The following CPXM2 variants were observed in gnomAD, a reference collection of about 807,000 sequenced individuals.
The protein encoded by CPXM2 is inactive carboxypeptidase-like protein X2.
CPXM2 carries 66 observed loss-of-function variants against 86.1 expected under a neutral mutation model. The observed-to-expected ratio is 0.77, with a 90% CI of 0.63 to 0.94. The LOEUF (loss-of-function observed/expected upper bound fraction) is 0.94, where lower values mean the gene tolerates loss of function less well. Ranked by LOEUF, CPXM2 falls within the 40% of genes least tolerant of loss-of-function variation. The pLI is 0.00. For missense variants in CPXM2, 948 were observed against 1,026.3 expected (o/e 0.92, Z 1.04); for synonymous variants, 388 against 400.2 (o/e 0.97, Z 0.36).
At chr10:123,915,345 G>A (rs1945526580) in intron 2 of CPXM2, among the ~76,000 whole-genome samples, 1 of 152,154 alleles carries the variant, frequency 6.6e-6, no homozygotes, top group African/African-American at 2.4e-5. Flanking sequence ...ATCACTTGAG[G>A]CCAGGAGTTC....
intron 2 of CPXM2, among the ~76,000 whole-genome samples, chr10:123,916,093 GA>G (rs900215034): frequency 2.8e-4 from 41 of 148,928 alleles, no homozygotes; most frequent in African/African-American, 7.6e-4. Flanking sequence ...TGCTTTGGGA[GA>G]AAAAAAAAAT....
chr10:123,798,262 A>C, intron 5 of CPXM2, 136 bp from the exon 6 acceptor site: 1 of 761,058 alleles, frequency 1.3e-6, no homozygotes. Context: ...AGAAAAAAAA[A>C]AAAAAAAGAA....
chr10:123,856,737 G>A (rs1388994116), intron 3 of CPXM2, among the ~76,000 whole-genome samples: 2 of 110,472 alleles, frequency 1.8e-5, no homozygotes, highest in East Asian at 2.0e-4. Flanking sequence ...GATTACAGGC[G>A]TGTGCCACCA....
At chr10:123,764,085 G>A (rs1846413524) in intron 10 of CPXM2, among the ~76,000 whole-genome samples, 1 of 152,064 alleles carries the variant, frequency 6.6e-6, no homozygotes, top group Non-Finnish European at 1.5e-5. Flanking sequence ...TATTAACTCT[G>A]TTTCCTCCTC....
intron 3 of CPXM2, among the ~76,000 whole-genome samples, chr10:123,858,326 G>A (rs539106617): frequency 6.6e-6 from 1 of 152,222 alleles, no homozygotes; most frequent in African/African-American, 2.4e-5. Flanking sequence ...ACAGGGTGGG[G>A]AATACCCAGA....
intron 2 of CPXM2, among the ~76,000 whole-genome samples, chr10:123,935,845 C>A (rs1259791729): frequency 9.3e-6 from 1 of 107,462 alleles, no homozygotes; most frequent in African/African-American, 3.9e-5. Flanking sequence ...AGCGTCTTGA[C>A]CATCATCACC....
chr10:123,847,681 T>G (rs537488140), intron 3 of CPXM2, among the ~76,000 whole-genome samples: 2 of 152,326 alleles, frequency 1.3e-5, no homozygotes, highest in African/African-American at 4.8e-5. Context: ...AAAACAAGTT[T>G]TAAAAAGCAA....
At chr10:123,827,812 T>C (rs1373670448) in intron 4 of CPXM2, among the ~76,000 whole-genome samples, 1 of 152,150 alleles carries the variant, frequency 6.6e-6, no homozygotes, top group Non-Finnish European at 1.5e-5. Flanking sequence ...TTTCAAGATA[T>C]TATATAGCTA....
intron 13 of CPXM2, chr10:123,750,921 G>T: frequency 2.0e-6 from 2 of 985,382 alleles, no homozygotes; most frequent in Non-Finnish European, 2.4e-6. Flanking sequence ...TCTAACCACT[G>T]GAAAAGTCTG....
intron 2 of CPXM2, among the ~76,000 whole-genome samples, chr10:123,878,311 T>C (rs1590092541): frequency 7.1e-6 from 1 of 140,052 alleles, no homozygotes; most frequent in Non-Finnish European, 1.6e-5. Flanking sequence ...TTTTTTTTTT[T>C]TTTTTTTTTT....
chr10:123,858,177 A>AG (rs1180814708), intron 3 of CPXM2, among the ~76,000 whole-genome samples: 2 of 152,244 alleles, frequency 1.3e-5, no homozygotes, highest in Non-Finnish European at 2.9e-5. Context: ...AATATGCACT[A>AG]GAAAAACACA....
At chr10:123,852,572 C>T (rs1848625481) in intron 3 of CPXM2, among the ~76,000 whole-genome samples, 1 of 152,214 alleles carries the variant, frequency 6.6e-6, no homozygotes, top group African/African-American at 2.4e-5. Context: ...GCATGTCATT[C>T]CTGTGTCCAG....
At chr10:123,930,791 G>A (rs1236370082) in intron 2 of CPXM2, among the ~76,000 whole-genome samples, 2 of 152,200 alleles carry the variant, frequency 1.3e-5, no homozygotes, top group East Asian at 3.8e-4. Context: ...GGTCATGATG[G>A]CGTTTCCTGA....
chr10:123,791,172 G>A (rs1360104084), intron 6 of CPXM2, among the ~76,000 whole-genome samples: 3 of 152,256 alleles, frequency 2.0e-5, no homozygotes, highest in East Asian at 3.9e-4. Context: ...CCAGCACTTT[G>A]GGAGGCTGAG....
intron 9 of CPXM2, among the ~76,000 whole-genome samples, chr10:123,768,199 C>T (rs1171251586): frequency 2.0e-5 from 3 of 152,016 alleles, no homozygotes; most frequent in Non-Finnish European, 4.4e-5. Context: ...ACCAGCCTGG[C>T]CAACCTCCTC....
chr10:123,861,365 G>A (rs1452087934), intron 3 of CPXM2, among the ~76,000 whole-genome samples: 2 of 152,216 alleles, frequency 1.3e-5, no homozygotes, highest in Non-Finnish European at 2.9e-5. Context: ...GAGATCAAGT[G>A]CTAAGTTGAG....
upstream of CPXM2, among the ~76,000 whole-genome samples, chr10:123,941,695 A>G (rs1197281849): frequency 6.6e-6 from 1 of 152,218 alleles, no homozygotes; most frequent in African/African-American, 2.4e-5. Context: ...TCCCACCTGC[A>G]GCGGACGGCT....
intron 1 of CPXM2, among the ~76,000 whole-genome samples, chr10:123,887,723 C>T (rs1285411785): frequency 6.6e-6 from 1 of 152,072 alleles, no homozygotes; most frequent in Admixed American, 6.5e-5. Flanking sequence ...CACACACATA[C>T]ACAAACAAAC....
chr10:123,868,875 T>C (rs1359820273), intron 2 of CPXM2, among the ~76,000 whole-genome samples: 3 of 152,108 alleles, frequency 2.0e-5, no homozygotes, highest in Non-Finnish European at 4.4e-5. Flanking sequence ...TCCAAAAGCA[T>C]GGCAAAGTTA....
Sources: gnomAD v4.1 joint callset for allele counts (sites outside exome capture counted in the v4.1 genomes callset) on GRCh38, gnomAD v4.1.1 for gene constraint, MANE v1.5 for transcripts, NCBI Gene and HGNC (gene_info 2026-07-23, HGNC 2026-07-21) for gene names.